The following PVT1 variants were observed in gnomAD, a reference collection of about 807,000 sequenced individuals.
The protein encoded by PVT1 is CXCR4/PVT1 fusion.
intron 3 of PVT1, among the ~76,000 whole-genome samples, chr8:127,956,609 C>T (rs552774989): frequency 1.1e-4 from 17 of 152,300 alleles, no homozygotes; most frequent in Admixed American, 9.1e-4. Context: ...CTCAGCCTCC[C>T]GAGTAGCTGA....
At chr8:128,090,943 C>CT (rs1814342927) in intron 5 of PVT1, among the ~76,000 whole-genome samples, 2 of 152,108 alleles carry the variant, frequency 1.3e-5, no homozygotes, top group African/African-American at 4.8e-5. Context: ...GGTTTCGAGT[C>CT]TAGCTCCTCT....
At chr8:128,085,274 C>T (rs116274034) in intron 5 of PVT1, among the ~76,000 whole-genome samples, 2,123 of 152,190 alleles carry the variant, frequency 0.014, 49 homozygotes, top group African/African-American at 0.048. Context: ...TTCAAAAGTC[C>T]GCGGCCCGGC....
chr8:128,041,341 TTGTA>T (rs1383410122), intron 4 of PVT1, among the ~76,000 whole-genome samples: 1 of 151,354 alleles, frequency 6.6e-6, no homozygotes, highest in African/African-American at 2.4e-5. Context: ...GTGTTTATGC[TTGTA>T]TGTGTTGTGC....
chr8:128,009,686 T>C (rs1252454598), intron 4 of PVT1: 1 of 152,238 alleles, frequency 6.6e-6, no homozygotes, highest in Non-Finnish European at 1.5e-5. Context: ...TGTCTTGATG[T>C]GAATGTGAAC....
At chr8:127,937,013 G>T (rs1363389991) in intron 3 of PVT1, among the ~76,000 whole-genome samples, 1 of 152,216 alleles carries the variant, frequency 6.6e-6, no homozygotes, top group Non-Finnish European at 1.5e-5. Context: ...AATGAATGCT[G>T]GTATCTAATT....
chr8:128,094,242 A>C (rs765444710), intron 5 of PVT1, among the ~76,000 whole-genome samples: 3 of 152,184 alleles, frequency 2.0e-5, no homozygotes, highest in Non-Finnish European at 4.4e-5. Context: ...CTACTTTTTA[A>C]ATGATTTTTA....
chr8:127,958,402 G>C (rs1352794150), intron 3 of PVT1, among the ~76,000 whole-genome samples: 1 of 152,084 alleles, frequency 6.6e-6, no homozygotes, highest in Non-Finnish European at 1.5e-5. Context: ...GCCATGCCCA[G>C]TTAATTTTTT....
chr8:128,060,668 A>G (rs1813819305), intron 4 of PVT1, among the ~76,000 whole-genome samples: 1 of 152,172 alleles, frequency 6.6e-6, no homozygotes, highest in African/African-American at 2.4e-5. Flanking sequence ...AATGCCAAAC[A>G]CTTTTGCAGT....
chr8:127,936,048 T>TC (rs1816269621), intron 3 of PVT1, among the ~76,000 whole-genome samples: 1 of 150,222 alleles, frequency 6.7e-6, no homozygotes, highest in African/African-American at 2.4e-5. Context: ...TTTTTTTTTT[T>TC]TTTTTTTTTT....
intron 3 of PVT1, among the ~76,000 whole-genome samples, chr8:127,982,991 G>A (rs1211068415): frequency 6.6e-6 from 1 of 152,220 alleles, no homozygotes. Context: ...ACAGGGCAGG[G>A]AGACACGGGT....
chr8:127,984,866 TTTC>T (rs1563657414), intron 3 of PVT1, among the ~76,000 whole-genome samples: 16 of 69,986 alleles, frequency 2.3e-4, no homozygotes, highest in African/African-American at 7.8e-4. Context: ...TCTTTCTTTC[TTTC>T]TTTCTTTCTT....
chr8:128,071,993 C>T (rs1272691253), intron 5 of PVT1, among the ~76,000 whole-genome samples: 1 of 152,164 alleles, frequency 6.6e-6, no homozygotes, highest in Non-Finnish European at 1.5e-5. Flanking sequence ...CACCTGCTCA[C>T]AGAGTTAATA....
In PVT1 at chr8:127,828,667, C is replaced by T. The variant is rs112334176; in HGVS notation, n.372+32596C>T. Among the ~76,000 whole-genome samples, 639 of 152,172 alleles carry T rather than the reference C, an allele frequency of 4.2e-3. 5 individuals carry two copies. Among genetic ancestry groups the T allele is most frequent in the African/African-American group, 0.014 (588 of 41,528 alleles). On this transcript the variant is annotated intron_variant and non_coding_transcript_variant, in intron 2 of 10. Coordinates refer to ENST00000651587, the Ensembl canonical transcript of PVT1. ...AGGGATGTTGAGGACAGTCCATCCTCAGAGAGTGAATGATTGCATTCATCT... is the reference window on the plus strand; with the variant it reads ...AGGGATGTTGAGGACAGTCCATCCTTAGAGAGTGAATGATTGCATTCATCT...
At chr8:128,081,922 C>A (rs1231575853) in intron 5 of PVT1, among the ~76,000 whole-genome samples, 1 of 152,184 alleles carries the variant, frequency 6.6e-6, no homozygotes, top group East Asian at 1.9e-4. Context: ...TCAAGCAAGA[C>A]AAGCTGGAAG....
intron 4 of PVT1, among the ~76,000 whole-genome samples, chr8:128,043,184 T>A (rs1813566353): frequency 6.6e-6 from 1 of 152,194 alleles, no homozygotes; most frequent in Non-Finnish European, 1.5e-5. Flanking sequence ...GTGCATTCAG[T>A]GCTGCCAAAT....
intron 2 of PVT1, among the ~76,000 whole-genome samples, chr8:127,805,825 A>T (rs1397138596): frequency 6.6e-6 from 1 of 152,168 alleles, no homozygotes; most frequent in Non-Finnish European, 1.5e-5. Context: ...AGGGATGGTT[A>T]TTGTGAGGTA....
chr8:127,827,184 G>A (rs948015376), intron 2 of PVT1, among the ~76,000 whole-genome samples: 3 of 151,850 alleles, frequency 2.0e-5, no homozygotes, highest in East Asian at 1.9e-4. Context: ...TAGTAGGGAC[G>A]GGGTTTCTCC....
intron 3 of PVT1, among the ~76,000 whole-genome samples, chr8:127,943,987 T>G (rs563148049): frequency 1.6e-4 from 25 of 152,366 alleles, no homozygotes; most frequent in Admixed American, 3.3e-4. Context: ...CAAGATAGTC[T>G]AGTGCTTTTC....
intron 4 of PVT1, among the ~76,000 whole-genome samples, chr8:128,001,841 C>G (rs1008780506): frequency 5.9e-5 from 9 of 152,160 alleles, no homozygotes; most frequent in Non-Finnish European, 1.0e-4. Context: ...GAGGAAGGGG[C>G]GAGAAAGCTT....
Sources: allele counts gnomAD v4.1 joint callset (sites outside exome capture counted in the v4.1 genomes callset), GRCh38; gene constraint gnomAD v4.1.1; transcripts MANE v1.5; gene names NCBI Gene and HGNC (gene_info 2026-07-23, HGNC 2026-07-21).